The following METTL16 variants were observed in gnomAD, a reference collection of about 807,000 sequenced individuals.
METTL16 encodes the protein methyltransferase 16, RNA N6-adenosine, also known as RNA N(6)-adenosine-methyltransferase METTL16.
METTL16 carries 19 observed loss-of-function variants against 57.9 expected under a neutral mutation model. The observed-to-expected ratio is 0.33, with a 90% CI of 0.23 to 0.48. METTL16 has a LOEUF of 0.48. Ranked by LOEUF, METTL16 falls within the 20% of genes least tolerant of loss-of-function variation. The pLI, the probability that METTL16 is intolerant of heterozygous loss-of-function variation, is 0.99. For missense variants in METTL16, 434 were observed against 691.5 expected, an observed-to-expected ratio of 0.63 and a Z score of 4.18; for synonymous variants, 246 against 255.6, an observed-to-expected ratio of 0.96 and a Z score of 0.36.
intron 6 of METTL16, among the ~76,000 whole-genome samples, chr17:2,462,124 C>A (rs1172083708): frequency 6.6e-6 from 1 of 152,002 alleles, no homozygotes; most frequent in Non-Finnish European, 1.5e-5. Flanking sequence ...AACGGATAAA[C>A]GAAATGTGGC....
chr17:2,495,954 A>G (rs8069027), intron 2 of METTL16, among the ~76,000 whole-genome samples: 4,163 of 151,384 alleles, frequency 0.027, 209 homozygotes, highest in African/African-American at 0.07. Flanking sequence ...ACTAAAAAAT[A>G]CAAAAATTAT....
intron 8 of METTL16, among the ~76,000 whole-genome samples, chr17:2,426,029 GCAA>G (rs2066815720): frequency 1.2e-5 from 1 of 86,210 alleles, no homozygotes; most frequent in Non-Finnish European, 2.3e-5. Context: ...TATGGCTAAG[GCAA>G]AAAAAAAAAA....
chr17:2,438,565 G>A (rs540329600), intron 7 of METTL16, among the ~76,000 whole-genome samples: 38 of 152,096 alleles, frequency 2.5e-4, no homozygotes, highest in African/African-American at 8.0e-4. Context: ...TGCAGTGTGC[G>A]GTCTTGGCTC....
At chr17:2,430,677 T>C (rs955939621) in intron 8 of METTL16, among the ~76,000 whole-genome samples, 2 of 151,922 alleles carry the variant, frequency 1.3e-5, no homozygotes, top group Admixed American at 1.3e-4. Flanking sequence ...CTTGGCCTCC[T>C]AAAGTGCTGG....
intron 6 of METTL16, among the ~76,000 whole-genome samples, chr17:2,463,383 A>C (rs1177474807): frequency 6.6e-6 from 1 of 152,204 alleles, no homozygotes; most frequent in Non-Finnish European, 1.5e-5. Context: ...AACACTAATC[A>C]ATTAAAGGCA....
intron 8 of METTL16, among the ~76,000 whole-genome samples, chr17:2,433,221 G>C (rs2066886806): frequency 6.6e-6 from 1 of 152,222 alleles, no homozygotes; most frequent in Non-Finnish European, 1.5e-5. Flanking sequence ...GGAAGGATCA[G>C]AACAGGGTAT....
intron 6 of METTL16, among the ~76,000 whole-genome samples, chr17:2,457,673 T>C (rs2067121353): frequency 6.7e-6 from 1 of 149,234 alleles, no homozygotes; most frequent in Non-Finnish European, 1.5e-5. Context: ...ATCACGCCAC[T>C]GCACTCCAGC....
chr17:2,433,392 AG>A (rs1434688287), intron 8 of METTL16, among the ~76,000 whole-genome samples: 1 of 152,114 alleles, frequency 6.6e-6, no homozygotes, highest in Non-Finnish European at 1.5e-5. Context: ...CACTTGTGGT[AG>A]GTGGCCACTC....
chr17:2,449,270 A>G (rs941517742), intron 6 of METTL16, among the ~76,000 whole-genome samples: 1 of 152,206 alleles, frequency 6.6e-6, no homozygotes, highest in African/African-American at 2.4e-5. Flanking sequence ...ATTCTTTCCA[A>G]CTTGACCTAT....
intron 2 of METTL16, among the ~76,000 whole-genome samples, chr17:2,489,308 G>T (rs991020222): frequency 6.6e-6 from 1 of 151,888 alleles, no homozygotes; most frequent in African/African-American, 2.4e-5. Context: ...TAACAGAAAA[G>T]AAAAATCTAG....
In METTL16 at chr17:2,438,172, G is replaced by T; in HGVS notation, c.825C>A (p.Phe275Leu). Reference sequence around the variant, plus strand: ...CCCATCTCATTGTCCGACCTTGACAGAATTCAGTGTACGTTACTTTGGGAA... The same window carrying T: ...CCCATCTCATTGTCCGACCTTGACATAATTCAGTGTACGTTACTTTGGGAA... ...QGVPKVTYTE[F>L]CQGRTMRWAL... The change falls in exon 8 of 10, where the codon TTC becomes TTA. Residue 275 changes from phenylalanine (F) to leucine (L), a missense_variant. By Grantham distance (22) the Phe-to-Leu change is conservative. Transcript: ENST00000263092. 1 of 1,613,778 alleles carries T rather than the reference G, an allele frequency of 6.2e-7. No individual in the cohort carries two copies. The highest frequency in any genetic ancestry group is 8.5e-7 in the Non-Finnish European group (1 of 1,179,758).
Position 2,427,382 on chromosome 17 carries a change from C to A in METTL16, c.889-6478G>T, listed in dbSNP as rs1235886191. ...ATCTGAAGATGATGAAACAAACGAA[C>A]CTCTGTCCTGACTCCATGCAGAAAA... On this transcript the variant is annotated intron_variant, in intron 8 of 9. Coordinates refer to ENST00000263092, the MANE Select transcript of METTL16 (RefSeq NM_024086.4). Among the ~76,000 whole-genome samples, 9 of 152,178 alleles carry A rather than the reference C, an allele frequency of 5.9e-5. No homozygotes were observed. In the South Asian group the frequency reaches 1.2e-3, roughly 21 times the overall value.
rs888240965 is a variant in METTL16 at position 2,502,308 on chromosome 17, A to G, written c.24T>C (p.His8=). 1.6e-5 allele frequency: 26 copies of G among 1,613,650 alleles called. No individual in the cohort carries two copies. The highest frequency in any genetic ancestry group is 2.1e-5 in the Non-Finnish European group (25 of 1,179,942). ...GTTTGTCCTTGTATCTATTTCTTGCATGCATTGATTTACTCAGAGCCATCT... is the reference window on the plus strand; with the variant it reads ...GTTTGTCCTTGTATCTATTTCTTGCGTGCATTGATTTACTCAGAGCCATCT... MALSKSM[H]ARNRYKDKPP... is the part of the protein sequence containing the mutation. Residue 8 remains histidine, a synonymous_variant, in exon 2 of 10, where the codon CAT becomes CAC. Coordinates refer to ENST00000263092, the MANE Select transcript of METTL16 (RefSeq NM_024086.4).
At chr17:2,454,438 A>C (rs1167645867) in intron 6 of METTL16, among the ~76,000 whole-genome samples, 1 of 152,084 alleles carries the variant, frequency 6.6e-6, no homozygotes, top group African/African-American at 2.4e-5. Context: ...TGATCTCAAA[A>C]TTTACTATTT....
chr17:2,487,625 G>C (rs1044803478), intron 2 of METTL16, among the ~76,000 whole-genome samples: 5 of 152,200 alleles, frequency 3.3e-5, no homozygotes, highest in African/African-American at 1.2e-4. Context: ...CTGAAAATCA[G>C]AGTCAGTGAC....
intron 2 of METTL16, among the ~76,000 whole-genome samples, chr17:2,485,191 G>T (rs181808512): frequency 2.0e-5 from 3 of 152,300 alleles, no homozygotes; most frequent in African/African-American, 7.2e-5. Flanking sequence ...TCCTGGGAAC[G>T]CCGCATGCGA....
intron 2 of METTL16, among the ~76,000 whole-genome samples, chr17:2,483,279 T>C (rs1340778721): frequency 6.6e-6 from 1 of 152,188 alleles, no homozygotes; most frequent in Non-Finnish European, 1.5e-5. Flanking sequence ...CCTTAATTTT[T>C]GGATCAAAAG....
intron 2 of METTL16, among the ~76,000 whole-genome samples, chr17:2,490,806 A>G (rs2151575029): frequency 6.6e-6 from 1 of 152,324 alleles, no homozygotes; most frequent in Non-Finnish European, 1.5e-5. Flanking sequence ...CTTCAAAGAA[A>G]GTTGTTGCTT....
At chr17:2,499,683 AAT>A (rs2061114270) in intron 2 of METTL16, among the ~76,000 whole-genome samples, 1 of 152,196 alleles carries the variant, frequency 6.6e-6, no homozygotes, top group Admixed American at 6.6e-5. Flanking sequence ...TCTATTTTGA[AAT>A]ATGTTTTCAA....
Sources: gnomAD v4.1 joint callset for allele counts (sites outside exome capture counted in the v4.1 genomes callset) on GRCh38, gnomAD v4.1.1 for gene constraint, MANE v1.5 for transcripts, NCBI Gene and HGNC (gene_info 2026-07-23, HGNC 2026-07-21) for gene names.